GUCY1A2: variants seen among roughly 807,000 people sequenced by gnomAD.
GUCY1A2 encodes guanylate cyclase soluble subunit alpha-2.
A neutral mutation model predicts 63.5 loss-of-function variants in GUCY1A2; 27 were observed. The observed-to-expected ratio is 0.43, with a 90% CI of 0.31 to 0.59. GUCY1A2 has a LOEUF of 0.59. Ranked by LOEUF, GUCY1A2 falls within the 20% of genes least tolerant of loss-of-function variation. The pLI is 0.11. For missense variants in GUCY1A2, 768 were observed against 913.3 expected (o/e 0.84, Z 2.05); for synonymous variants, 364 against 343.5 (o/e 1.06, Z -0.66).
intron 3 of GUCY1A2, among the ~76,000 whole-genome samples, chr11:106,954,562 TTTTTAA>T (rs1031360779): frequency 8.7e-4 from 133 of 152,282 alleles, no homozygotes; most frequent in African/African-American, 3.1e-3. Flanking sequence ...CTAAATATCC[TTTTTAA>T]TTTTTTCTCT....
chr11:106,918,301 A>C (rs1860395343), intron 4 of GUCY1A2, among the ~76,000 whole-genome samples: 1 of 145,486 alleles, frequency 6.9e-6, no homozygotes. Flanking sequence ...ATTTGCAGTG[A>C]CACTGCAGAG....
intron 5 of GUCY1A2, among the ~76,000 whole-genome samples, chr11:106,805,985 A>T (rs1356967859): frequency 6.6e-6 from 1 of 152,210 alleles, no homozygotes; most frequent in Non-Finnish European, 1.5e-5. Context: ...CCGAAAATGT[A>T]CATAATGCCA....
At chr11:106,697,474 A>G (rs938793009) in intron 7 of GUCY1A2, among the ~76,000 whole-genome samples, 1 of 152,196 alleles carries the variant, frequency 6.6e-6, no homozygotes, top group Non-Finnish European at 1.5e-5. Flanking sequence ...AATACAATTC[A>G]TGATCAGCTT....
intron 4 of GUCY1A2, among the ~76,000 whole-genome samples, chr11:106,876,264 T>C (rs931925836): frequency 6.6e-6 from 1 of 151,854 alleles, no homozygotes; most frequent in African/African-American, 2.4e-5. Flanking sequence ...CATTAGCAAA[T>C]AGGTGTTAAG....
At chr11:106,717,580 A>C (rs537372854) in intron 6 of GUCY1A2, among the ~76,000 whole-genome samples, 1 of 152,356 alleles carries the variant, frequency 6.6e-6, no homozygotes, top group Admixed American at 6.5e-5. Flanking sequence ...ATAGAAAAAG[A>C]AGAAAGTCTT....
chr11:106,948,096 C>A (rs1860854799), intron 3 of GUCY1A2, among the ~76,000 whole-genome samples: 1 of 151,970 alleles, frequency 6.6e-6, no homozygotes, highest in African/African-American at 2.4e-5. Context: ...GTATAAATGA[C>A]CAAAGTTGAC....
At chr11:106,831,000 A>C (rs969150724) in intron 4 of GUCY1A2, among the ~76,000 whole-genome samples, 2 of 152,186 alleles carry the variant, frequency 1.3e-5, no homozygotes, top group African/African-American at 4.8e-5. Context: ...ATTATGTTGA[A>C]GAATTTATAA....
chr11:106,812,117 T>C (rs1858769721), intron 4 of GUCY1A2, among the ~76,000 whole-genome samples: 1 of 151,980 alleles, frequency 6.6e-6, no homozygotes, highest in Admixed American at 6.6e-5. Context: ...ATTAGGATCT[T>C]AAGGGCATGG....
At chr11:106,821,966 A>G (rs754278014) in intron 4 of GUCY1A2, among the ~76,000 whole-genome samples, 6 of 152,194 alleles carry the variant, frequency 3.9e-5, no homozygotes, top group Non-Finnish European at 7.3e-5. Context: ...AGTAATAAGG[A>G]TAGTGTTTTG....
intron 6 of GUCY1A2, among the ~76,000 whole-genome samples, chr11:106,709,189 A>T (rs1208844139): frequency 8.4e-6 from 1 of 119,056 alleles, no homozygotes; most frequent in Non-Finnish European, 1.8e-5. Context: ...ATTATATATA[A>T]CTATATATAA....
At chr11:106,904,999 T>C (rs1860184722) in intron 4 of GUCY1A2, among the ~76,000 whole-genome samples, 1 of 152,106 alleles carries the variant, frequency 6.6e-6, no homozygotes. Context: ...TTGAATTACA[T>C]GGCAAAATAA....
At chr11:106,775,406 G>A (rs980822805) in intron 6 of GUCY1A2, among the ~76,000 whole-genome samples, 1 of 151,884 alleles carries the variant, frequency 6.6e-6, no homozygotes, top group Non-Finnish European at 1.5e-5. Context: ...TCCTCCAGGG[G>A]GGAATAGTAT....
At chr11:107,016,779 G>A (rs150809957) in intron 1 of GUCY1A2, among the ~76,000 whole-genome samples, 3 of 152,108 alleles carry the variant, frequency 2.0e-5, no homozygotes, top group Admixed American at 1.3e-4. Flanking sequence ...AGAGAGTAAA[G>A]GATGAGGTAC....
chr11:106,738,869 A>G (rs1863638095), intron 6 of GUCY1A2, among the ~76,000 whole-genome samples: 1 of 152,140 alleles, frequency 6.6e-6, no homozygotes, highest in Admixed American at 6.5e-5. Flanking sequence ...TGTCTTGGCT[A>G]TACGGGTTCT....
chr11:106,775,477 GT>G (rs36074221), intron 6 of GUCY1A2, among the ~76,000 whole-genome samples: 27 of 146,720 alleles, frequency 1.8e-4, no homozygotes, highest in East Asian at 6.1e-4. Flanking sequence ...CACCAATTAC[GT>G]TTTTTTTTTT....
intron 3 of GUCY1A2, among the ~76,000 whole-genome samples, chr11:106,945,075 A>G (rs974489036): frequency 1.3e-5 from 2 of 151,980 alleles, no homozygotes; most frequent in African/African-American, 2.4e-5. Flanking sequence ...CAGATGGAAA[A>G]AGCATAAATT....
chr11:106,980,332 G>T (rs3794611), intron 2 of GUCY1A2, among the ~76,000 whole-genome samples: 3,333 of 152,270 alleles, frequency 0.022, 82 homozygotes, highest in East Asian at 0.13. Context: ...AGGTGCAGGA[G>T]CTGGGGCATC....
At chr11:107,006,414 G>T (rs896719601) in intron 1 of GUCY1A2, among the ~76,000 whole-genome samples, 1 of 152,186 alleles carries the variant, frequency 6.6e-6, no homozygotes, top group African/African-American at 2.4e-5. Flanking sequence ...TCAGAATGCA[G>T]CATCTATTGA....
At chr11:106,822,307 T>C (rs891997207) in intron 4 of GUCY1A2, among the ~76,000 whole-genome samples, 1 of 152,186 alleles carries the variant, frequency 6.6e-6, no homozygotes, top group Non-Finnish European at 1.5e-5. Context: ...TAATTGACCA[T>C]GACACAGAAG....
Sources: allele counts gnomAD v4.1 joint callset (sites outside exome capture counted in the v4.1 genomes callset), GRCh38; gene constraint gnomAD v4.1.1; transcripts MANE v1.5; gene names NCBI Gene and HGNC (gene_info 2026-07-23, HGNC 2026-07-21).